Variants in ZNF654 observed in about 807,000 individuals in gnomAD.
ZNF654 encodes the protein melanoma-associated antigen.
In ZNF654, 19 loss-of-function variants were observed where a neutral mutation model predicts 95.3. That is an observed-to-expected ratio of 0.20 (90% CI 0.14 to 0.29). ZNF654 has a LOEUF of 0.29. Among genes scored for constraint, ZNF654 ranks in the 10% least tolerant of loss-of-function variants. The pLI, the probability that ZNF654 is intolerant of heterozygous loss-of-function variation, is 1.00. For synonymous variants in ZNF654, 413 were observed against 457.9 expected (o/e 0.90, Z 1.25); for missense variants, 1,046 against 1,341.0 (o/e 0.78, Z 3.44).
Position 88,139,140 on chromosome 3 carries a change from G to C in ZNF654, c.1471G>C (p.Glu491Gln). ...NNAGNLKRTEEQQGLDEGFDS... is the reference protein window; with the variant it reads ...NNAGNLKRTEQQQGLDEGFDS... ...TGCAGGTAATCTAAAAAGGACGGAGGAACAGCAAGGTTTGGATGAAGGGTT... is the reference window on the plus strand; with the variant it reads ...TGCAGGTAATCTAAAAAGGACGGAGCAACAGCAAGGTTTGGATGAAGGGTT... The change falls in exon 8 of 9, where the codon GAA becomes CAA. Residue 491 changes from glutamate to glutamine, a missense_variant. Physicochemically the swap from Glu to Gln is conservative, Grantham distance 29. Coordinates refer to ENST00000636215, the MANE Select transcript of ZNF654 (RefSeq NM_001350134.2). The C allele has an allele frequency of 7.6e-7, 1 of 1,308,364 alleles. No homozygotes were observed. Among genetic ancestry groups the C allele is most frequent in the Non-Finnish European group, 9.7e-7 (1 of 1,027,450 alleles). The allele number at this position is 1,308,364 out of a possible 1,614,324, so 81.0% of individuals were successfully genotyped here.
At chr3:88,130,728 G>C (rs1706408733) in intron 6 of ZNF654, among the ~76,000 whole-genome samples, 1 of 151,250 alleles carries the variant, frequency 6.6e-6, no homozygotes, top group Non-Finnish European at 1.5e-5. Flanking sequence ...AAAGTGCTGG[G>C]ATTATAGGCA....
chr3:88,074,083 C>T (rs1427859896), intron 1 of ZNF654, among the ~76,000 whole-genome samples: 2 of 152,104 alleles, frequency 1.3e-5, no homozygotes, highest in Non-Finnish European at 2.9e-5. Flanking sequence ...TAAGAATCTA[C>T]CAGATTTGAT....
intron 1 of ZNF654, among the ~76,000 whole-genome samples, chr3:88,081,627 C>G (rs1708082423): frequency 6.6e-6 from 1 of 152,122 alleles, no homozygotes; most frequent in South Asian, 2.1e-4. Context: ...TTTTGTTGTT[C>G]AAGTTGTGCC....
intron 2 of ZNF654, chr3:88,095,622 C>A: frequency 1.9e-6 from 1 of 515,522 alleles, no homozygotes; most frequent in South Asian, 1.4e-5. Flanking sequence ...TGGTTCTAGT[C>A]TTATCTCGAA....
At chr3:88,073,485 C>G (rs1007544919) in intron 1 of ZNF654, among the ~76,000 whole-genome samples, 1 of 152,048 alleles carries the variant, frequency 6.6e-6, no homozygotes, top group African/African-American at 2.4e-5. Flanking sequence ...AGTAAGCTAT[C>G]GAAGTATCCC....
At chr3:88,074,111 T>G (rs1434591192) in intron 1 of ZNF654, among the ~76,000 whole-genome samples, 1 of 152,178 alleles carries the variant, frequency 6.6e-6, no homozygotes, top group Non-Finnish European at 1.5e-5. Context: ...CTCCCATTTT[T>G]GAGTTCACAA....
At chr3:88,120,004 A>C (rs1464125220) in intron 3 of ZNF654, among the ~76,000 whole-genome samples, 1 of 152,142 alleles carries the variant, frequency 6.6e-6, no homozygotes, top group Admixed American at 6.6e-5. Context: ...TCATATTTTA[A>C]ATATTCTTTT....
intron 2 of ZNF654, among the ~76,000 whole-genome samples, chr3:88,104,186 C>T (rs934274204): frequency 6.6e-6 from 1 of 152,046 alleles, no homozygotes; most frequent in Admixed American, 6.5e-5. Context: ...ATAAGCAGCA[C>T]CAGATGCTGG....
chr3:88,139,543 C>G lies in ZNF654; in HGVS notation c.1874C>G (p.Ser625Cys), dbSNP rs1490025095. Reference protein sequence around the residue: ...ALEEINCSSSSISFENGNSDS... With the variant: ...ALEEINCSSSCISFENGNSDS... Reference sequence around the variant, plus strand: ...GAAGAAATAAATTGTTCTAGTTCTTCCATTTCATTTGAAAATGGGAATTCT... The same window carrying G: ...GAAGAAATAAATTGTTCTAGTTCTTGCATTTCATTTGAAAATGGGAATTCT... The change falls in exon 8 of 9, where the codon TCC (serine) becomes TGC (cysteine). Residue 625 changes from serine (S) to cysteine (C), a missense_variant. Transcript: ENST00000636215. 2 of 1,613,378 alleles carry G rather than the reference C, an allele frequency of 1.2e-6. No homozygotes were observed. The highest frequency in any genetic ancestry group is 4.5e-5 in the East Asian group (2 of 44,866).
At chr3:88,072,283 C>A (rs1325779262) in intron 1 of ZNF654, among the ~76,000 whole-genome samples, 1 of 152,112 alleles carries the variant, frequency 6.6e-6, no homozygotes, top group Non-Finnish European at 1.5e-5. Context: ...CTGTTGCCAC[C>A]TTTCCTCACT....
chr3:88,129,865 G>A, intron 6 of ZNF654, 39 bp downstream of exon 6: 1 of 1,362,260 alleles, frequency 7.3e-7, no homozygotes, highest in Admixed American at 2.8e-5. Flanking sequence ...ATGGTAAGAT[G>A]GGCAACAGAA....
intron 2 of ZNF654, among the ~76,000 whole-genome samples, chr3:88,107,294 ATTATTT>A (rs1704802314): frequency 6.6e-6 from 1 of 152,096 alleles, no homozygotes; most frequent in African/African-American, 2.4e-5. Context: ...CCTAGATGAG[ATTATTT>A]TTATTAGTAC....
intron 6 of ZNF654, among the ~76,000 whole-genome samples, chr3:88,131,932 T>G (rs4337654): frequency 6.6e-6 from 1 of 151,900 alleles, no homozygotes; most frequent in African/African-American, 2.4e-5. Flanking sequence ...TCTGTGTGAA[T>G]AGAACCAGAT....
intron 1 of ZNF654, among the ~76,000 whole-genome samples, chr3:88,078,888 C>T (rs778963246): frequency 2.6e-5 from 4 of 151,924 alleles, no homozygotes; most frequent in Non-Finnish European, 5.9e-5. Context: ...GAACTTGGTT[C>T]TATTATAAAT....
rs1706711009 is a variant in ZNF654, at chr3:88,059,473, A to T, written c.154A>T (p.Ser52Cys). The change falls in exon 1 of 9, where the codon AGC (serine) becomes TGC (cysteine). Residue 52 changes from serine to cysteine, a missense_variant. Ser to Cys is a moderately radical substitution (Grantham distance 112, BLOSUM62 -1). Transcript: ENST00000636215. ...CAACTGCGGCGGCGGCGTCGGAATC[A>T]GCAGTCGGGATTACTGCCGACGCTT... ...SGNCGGGVGI[S>C]SRDYCRRFCQ... 2.0e-6 allele frequency: 3 copies of T among 1,517,016 alleles called. No individual in the cohort carries two copies. Among genetic ancestry groups the T allele is most frequent in the Non-Finnish European group, 2.6e-6 (3 of 1,139,758 alleles). 94.0% of individuals were successfully genotyped at this position (1,517,016 alleles called of 1,614,324 possible).
intron 3 of ZNF654, among the ~76,000 whole-genome samples, chr3:88,119,789 T>G (rs1266004988): frequency 1.3e-5 from 2 of 152,200 alleles, no homozygotes; most frequent in African/African-American, 4.8e-5. Flanking sequence ...ATAGCCATAT[T>G]AATTCATTAC....
chr3:88,104,033 G>A (rs1704594559), intron 2 of ZNF654, among the ~76,000 whole-genome samples: 1 of 151,868 alleles, frequency 6.6e-6, no homozygotes, highest in Non-Finnish European at 1.5e-5. Context: ...TGGGATTACA[G>A]GCCATGAGCC....
In ZNF654 at chr3:88,140,098, G is replaced by A; in HGVS notation, c.2429G>A (p.Ser810Asn). ...TTTATAGACCACCTTAATAGACATA[G>A]CTATCCAAATGTGTATTTTTGTTTG... ...QHFIDHLNRH[S>N]YPNVYFCLHF... The change falls in exon 8 of 9, where the codon AGC becomes AAC. Residue 810 changes from serine to asparagine, a missense_variant. Ser to Asn is a conservative substitution (Grantham distance 46, BLOSUM62 1). Around this residue, in one of 9 missense-constraint regions of ZNF654, gnomAD observed 495 missense variants for 537.0 expected, o/e 0.92. Coordinates refer to ENST00000636215, the MANE Select transcript of ZNF654 (RefSeq NM_001350134.2). 1 of 1,613,802 alleles carries A rather than the reference G, an allele frequency of 6.2e-7. No homozygotes were observed. Among genetic ancestry groups the A allele is most frequent in the East Asian group, 2.2e-5 (1 of 44,886 alleles).
intron 3 of ZNF654, among the ~76,000 whole-genome samples, chr3:88,118,967 G>A (rs1349855662): frequency 1.3e-5 from 2 of 149,134 alleles, no homozygotes; most frequent in Admixed American, 6.7e-5. Flanking sequence ...CATTGTGGAA[G>A]TCAGTGTGGC....
Sources: allele counts gnomAD v4.1 joint callset (sites outside exome capture counted in the v4.1 genomes callset), GRCh38; gene constraint gnomAD v4.1.1; regional missense constraint gnomAD v4.1.1; transcripts MANE v1.5; gene names NCBI Gene and HGNC (gene_info 2026-07-23, HGNC 2026-07-21).